UBE2Q2: variants seen among roughly 807,000 people sequenced by gnomAD.
UBE2Q2 encodes the protein ubiquitin conjugating enzyme E2 Q2, also known as ubiquitin-conjugating enzyme E2 Q2.
A neutral mutation model predicts 59.9 loss-of-function variants in UBE2Q2; 54 were observed. That is an observed-to-expected ratio of 0.90 (90% CI 0.72 to 1.13). The LOEUF (loss-of-function observed/expected upper bound fraction) is 1.13, where lower values mean the gene tolerates loss of function less well. Among genes scored for constraint, UBE2Q2 ranks in the 50% most tolerant of loss-of-function variants. The pLI, the probability that UBE2Q2 is intolerant of heterozygous loss-of-function variation, is 0.00. For synonymous variants in UBE2Q2, 165 were observed against 155.2 expected (o/e 1.06, Z -0.47); for missense variants, 433 against 441.9 (o/e 0.98, Z 0.18).
At chr15:75,874,070 T>C (rs749127821) in intron 5 of UBE2Q2, among the ~76,000 whole-genome samples, 47 of 152,146 alleles carry the variant, frequency 3.1e-4, no homozygotes, top group Non-Finnish European at 6.3e-4. Context: ...TCATCTGCTC[T>C]TCATATCCTG....
intron 2 of UBE2Q2, among the ~76,000 whole-genome samples, chr15:75,858,428 A>G (rs1442813956): frequency 6.6e-6 from 1 of 152,034 alleles, no homozygotes; most frequent in Non-Finnish European, 1.5e-5. Context: ...CCCATACCCA[A>G]ACCTGGGAAC....
intron 1 of UBE2Q2, chr15:75,844,328 A>G: frequency 6.5e-7 from 1 of 1,549,610 alleles, no homozygotes; most frequent in Non-Finnish European, 8.7e-7. Context: ...ATTGTTTTTA[A>G]GTTTGCGTTT....
At chr15:75,882,147 T>G (rs1898466530) in intron 8 of UBE2Q2, among the ~76,000 whole-genome samples, 1 of 152,242 alleles carries the variant, frequency 6.6e-6, no homozygotes, top group Non-Finnish European at 1.5e-5. Context: ...GGAAGCGATT[T>G]GTAACTATTT....
At position 75,843,566 on chromosome 15, in the gene UBE2Q2, G is replaced by A. The variant is rs950425224; in HGVS notation, c.-101G>A. 1.3e-5 allele frequency: 13 copies of A among 982,170 alleles called. No individual in the cohort carries two copies. Among genetic ancestry groups the A allele is most frequent in the Non-Finnish European group, 1.8e-5 (13 of 730,604 alleles). 60.8% of individuals were successfully genotyped at this position (982,170 alleles called of 1,614,324 possible). A position where few individuals can be genotyped will look rare whatever the true frequency, so the allele number is the denominator to read the frequency against. On this transcript the variant is annotated 5_prime_UTR_variant, in exon 1 of 13. Transcript: ENST00000267938. Reference sequence around the variant, plus strand: ...AGCCGCGAGAGCGCGGCCCAGGCCGGCCCCGCGGGGCGGTCGCGGCCGTGA... The same window carrying A: ...AGCCGCGAGAGCGCGGCCCAGGCCGACCCCGCGGGGCGGTCGCGGCCGTGA...
intron 6 of UBE2Q2, among the ~76,000 whole-genome samples, 199 bp downstream of exon 6, chr15:75,876,470 T>C (rs920829480): frequency 2.6e-5 from 4 of 152,234 alleles, no homozygotes; most frequent in Non-Finnish European, 5.9e-5. Flanking sequence ...TTTGGATTTT[T>C]AAAAAATGTT....
In UBE2Q2 at chr15:75,899,484, C is replaced by T. The variant is rs1184624204; in HGVS notation, c.*26C>T. 6.3e-7 allele frequency: 1 copy of T among 1,584,060 alleles called. No individual in the cohort carries two copies. Among genetic ancestry groups the T allele is most frequent in the Non-Finnish European group, 8.6e-7 (1 of 1,163,710 alleles). On this transcript the variant is annotated 3_prime_UTR_variant, in exon 13 of 13. Coordinates refer to ENST00000267938, the MANE Select transcript of UBE2Q2 (RefSeq NM_173469.4). ...ATGTGTTGACTGTTGTATGTTTGGACTAATGTTGCTTTAAAGAAAATCTTT... is the reference window on the plus strand; with the variant it reads ...ATGTGTTGACTGTTGTATGTTTGGATTAATGTTGCTTTAAAGAAAATCTTT...
intron 1 of UBE2Q2, among the ~76,000 whole-genome samples, chr15:75,852,225 T>C (rs1896668871): frequency 6.6e-6 from 1 of 152,142 alleles, no homozygotes; most frequent in South Asian, 2.1e-4. Context: ...GCCCTTCCTT[T>C]TTAAGCCTTT....
intron 5 of UBE2Q2, among the ~76,000 whole-genome samples, chr15:75,875,158 C>T (rs1898008085): frequency 6.6e-6 from 1 of 152,180 alleles, no homozygotes; most frequent in Non-Finnish European, 1.5e-5. Flanking sequence ...ATGATGGATA[C>T]TATGCCAAGT....
chr15:75,845,324 T>C (rs758221741), intron 1 of UBE2Q2, among the ~76,000 whole-genome samples: 2 of 152,180 alleles, frequency 1.3e-5, no homozygotes, highest in African/African-American at 2.4e-5. Context: ...AAGTGTGGTT[T>C]CCTTAGAAGT....
intron 4 of UBE2Q2, 137 bp downstream of exon 4, chr15:75,869,147 T>C (rs904091488): frequency 1.4e-6 from 1 of 732,830 alleles, no homozygotes; most frequent in African/African-American, 1.8e-5. Flanking sequence ...GAATATAATT[T>C]CCCAACTCTG....
chr15:75,855,978 A>T (rs771690182), intron 2 of UBE2Q2, among the ~76,000 whole-genome samples: 1 of 152,088 alleles, frequency 6.6e-6, no homozygotes, highest in Non-Finnish European at 1.5e-5. Flanking sequence ...GCTTGAGCTC[A>T]TGAGTTTAAG....
At position 75,890,933 on chromosome 15, in the gene UBE2Q2, C is replaced by T; in HGVS notation, c.948C>T (p.Ala316=). ...TTCTTCTGTAGGGCTGGAGCAGTGC[C>T]TACTCAATAGAATCGGTCATCATGC... ...ELLTKQGWSS[A]YSIESVIMQI... is the part of the protein sequence containing the mutation. Residue 316 remains alanine, a synonymous_variant, in exon 11 of 13, where the codon GCC becomes GCT. Coordinates refer to ENST00000267938, the MANE Select transcript of UBE2Q2 (RefSeq NM_173469.4). 2 of 1,613,010 alleles carry T rather than the reference C, an allele frequency of 1.2e-6. No homozygotes were observed. Among genetic ancestry groups the T allele is most frequent in the Non-Finnish European group, 1.7e-6 (2 of 1,179,888 alleles).
At chr15:75,896,047 T>C (rs185506973) in intron 11 of UBE2Q2, among the ~76,000 whole-genome samples, 26 of 152,308 alleles carry the variant, frequency 1.7e-4, no homozygotes, top group Non-Finnish European at 1.6e-4. Context: ...TCTATACTGA[T>C]AAGGAACATT....
intron 1 of UBE2Q2, among the ~76,000 whole-genome samples, chr15:75,851,963 T>C (rs1160274008): frequency 6.6e-6 from 1 of 152,160 alleles, no homozygotes; most frequent in East Asian, 1.9e-4. Flanking sequence ...GACTCGACCT[T>C]CTGGGCTCAA....
intron 8 of UBE2Q2, among the ~76,000 whole-genome samples, chr15:75,879,669 G>A (rs1898289420): frequency 6.6e-6 from 1 of 152,108 alleles, no homozygotes; most frequent in African/African-American, 2.4e-5. Flanking sequence ...TATTAAAATG[G>A]TCTGCTGCCC....
chr15:75,891,157 A>G (rs532239435), intron 11 of UBE2Q2, 143 bp downstream of exon 11: 21 of 610,416 alleles, frequency 3.4e-5, no homozygotes, highest in South Asian at 1.4e-4. Flanking sequence ...AAAGTGATCT[A>G]TAGAAAATAT....
chr15:75,875,850 A>T (rs192696542), intron 5 of UBE2Q2, among the ~76,000 whole-genome samples: 1 of 152,022 alleles, frequency 6.6e-6, no homozygotes. Flanking sequence ...CCACGAGGTC[A>T]AGAGATTGAG....
At chr15:75,856,343 A>G (rs947120498) in intron 2 of UBE2Q2, among the ~76,000 whole-genome samples, 5 of 151,242 alleles carry the variant, frequency 3.3e-5, no homozygotes, top group African/African-American at 1.2e-4. Flanking sequence ...AGTTGACAAA[A>G]TGACTCTAAC....
At chr15:75,893,783 A>G (rs1899241313) in intron 11 of UBE2Q2, among the ~76,000 whole-genome samples, 1 of 152,246 alleles carries the variant, frequency 6.6e-6, no homozygotes, top group Non-Finnish European at 1.5e-5. Context: ...ACAAAAAGCT[A>G]TGTGAATTTG....
Sources: gnomAD v4.1 joint callset for allele counts (sites outside exome capture counted in the v4.1 genomes callset) on GRCh38, gnomAD v4.1.1 for gene constraint, MANE v1.5 for transcripts, NCBI Gene and HGNC (gene_info 2026-07-23, HGNC 2026-07-21) for gene names.